The following PDIA5 variants were observed in gnomAD, a reference collection of about 807,000 sequenced individuals.
PDIA5 encodes protein disulfide isomerase family A member 5.
Under a neutral mutation model 77.6 loss-of-function variants are expected in PDIA5, and 58 were observed. The ratio of observed to expected loss-of-function variants is 0.75; its 90% CI spans 0.61 to 0.93. The LOEUF is 0.93. Ranked by LOEUF, PDIA5 falls within the 40% of genes least tolerant of loss-of-function variation. PDIA5 has a pLI of 0.00. For missense variants in PDIA5, 630 were observed against 647.7 expected (o/e 0.97, Z 0.30); for synonymous variants, 250 against 252.1 (o/e 0.99, Z 0.08).
intron 1 of PDIA5, among the ~76,000 whole-genome samples, chr3:123,069,651 C>G (rs1056931610): frequency 1.3e-5 from 2 of 152,192 alleles, no homozygotes; most frequent in African/African-American, 4.8e-5. Context: ...AGACAGTTCT[C>G]TTGGGTCCCT....
intron 6 of PDIA5, among the ~76,000 whole-genome samples, chr3:123,109,256 T>C (rs916099436): frequency 1.3e-5 from 2 of 152,264 alleles, no homozygotes; most frequent in African/African-American, 4.8e-5. Context: ...TTTGAATTGC[T>C]GATTCAATTT....
intron 1 of PDIA5, among the ~76,000 whole-genome samples, chr3:123,084,552 C>T (rs1934086567): frequency 6.6e-6 from 1 of 152,084 alleles, no homozygotes; most frequent in Non-Finnish European, 1.5e-5. Flanking sequence ...CTTGGTGGCT[C>T]ACCTTGCAAC....
chr3:123,092,020 C>T (rs967726757), intron 2 of PDIA5, among the ~76,000 whole-genome samples: 1 of 152,156 alleles, frequency 6.6e-6, no homozygotes, highest in Non-Finnish European at 1.5e-5. Flanking sequence ...AGACATGAGT[C>T]GGAGACTTTA....
At chr3:123,117,849 C>T (rs1245980147) in intron 8 of PDIA5, among the ~76,000 whole-genome samples, 1 of 152,122 alleles carries the variant, frequency 6.6e-6, no homozygotes, top group African/African-American at 2.4e-5. Context: ...CATTTTTGCA[C>T]TTACCCCGAG....
chr3:123,148,540 G>A (rs1164000081), intron 13 of PDIA5, among the ~76,000 whole-genome samples: 1 of 150,710 alleles, frequency 6.6e-6, no homozygotes, highest in Non-Finnish European at 1.5e-5. Context: ...TTGTACTCCA[G>A]CCTCAGCAAC....
intron 7 of PDIA5, among the ~76,000 whole-genome samples, chr3:123,112,210 C>T (rs546304339): frequency 3.3e-5 from 5 of 152,306 alleles, no homozygotes; most frequent in South Asian, 2.1e-4. Flanking sequence ...CGGCCCTTCA[C>T]GAAGCCAGCA....
Position 123,161,939 on chromosome 3 carries a change from GA to G in PDIA5, c.1544del (p.Lys515ArgfsTer18). On this transcript the variant is annotated frameshift_variant, in exon 17 of 17. Coordinates refer to ENST00000316218, the MANE Select transcript of PDIA5 (RefSeq NM_006810.4). LOFTEE classifies it high-confidence loss of function. ...GGGAGGGAGACCATGAAAGACTAGG[GA>G]AAAAGAAGGAAGAGTTATAATTCCT... ...LREGDHERLG[K>X]KKEEL The G allele has an allele frequency of 1.9e-6, 3 of 1,596,820 alleles. No homozygotes were observed. Among genetic ancestry groups the G allele is most frequent in the Non-Finnish European group, 2.6e-6 (3 of 1,165,060 alleles).
At chr3:123,142,586 G>A (rs773276477) in intron 11 of PDIA5, among the ~76,000 whole-genome samples, 2 of 152,190 alleles carry the variant, frequency 1.3e-5, no homozygotes, top group Non-Finnish European at 2.9e-5. Flanking sequence ...GCATTTTTCT[G>A]GAAGAAGGGT....
chr3:123,093,258 G>GGTGT lies in PDIA5; in HGVS notation c.257+836_257+839dup, dbSNP rs3080445. On this transcript the variant is annotated intron_variant, in intron 3 of 16. Transcript: ENST00000316218. ...TAGCCAAGTGGTGTGTGCTGTAGAG[G>GGTGT]GTGTGTGTGTGTGTGTGTGTGTGGC... is the stretch of plus-strand genomic sequence containing the variant. Among the ~76,000 whole-genome samples, 812 of 148,558 alleles carry GGTGT rather than the reference G, an allele frequency of 5.5e-3. 2 individuals are homozygous for GGTGT. Among genetic ancestry groups the GGTGT allele is most frequent in the Non-Finnish European group, 8.3e-3 (555 of 66,850 alleles).
chr3:123,162,065 G>A lies in PDIA5; in HGVS notation c.*105G>A, dbSNP rs1001037654. 2 of 724,872 alleles carry A rather than the reference G, an allele frequency of 2.8e-6. No homozygotes were observed. The highest frequency in any genetic ancestry group is 4.9e-6 in the Non-Finnish European group (2 of 405,402). The allele number at this position is 724,872 out of a possible 1,614,324, so 44.9% of individuals were successfully genotyped here. Reference sequence around the variant, plus strand: ...AGACAAATTTTTTATAGCCGCTTATGGCCATTTTGTACAATTTTGAAATAA... The same window carrying A: ...AGACAAATTTTTTATAGCCGCTTATAGCCATTTTGTACAATTTTGAAATAA... On this transcript the variant is annotated 3_prime_UTR_variant, in exon 17 of 17. Coordinates refer to ENST00000316218, the MANE Select transcript of PDIA5 (RefSeq NM_006810.4).
chr3:123,129,675 G>A (rs1935328166), intron 10 of PDIA5, among the ~76,000 whole-genome samples: 1 of 152,148 alleles, frequency 6.6e-6, no homozygotes, highest in Admixed American at 6.5e-5. Context: ...CTGAACTTTG[G>A]GGCAAGGGAG....
At chr3:123,102,387 G>A (rs756143480) in intron 3 of PDIA5, 24 bp from the exon 4 acceptor site, 5 of 1,589,722 alleles carry the variant, frequency 3.1e-6, no homozygotes, top group African/African-American at 2.7e-5. Flanking sequence ...GTAATAAATG[G>A]TTCCCAACAT....
intron 8 of PDIA5, among the ~76,000 whole-genome samples, chr3:123,121,806 T>G (rs950242049): frequency 6.6e-6 from 1 of 152,260 alleles, no homozygotes; most frequent in African/African-American, 2.4e-5. Context: ...TATCTTGTAT[T>G]ATTTCATTGA....
intron 11 of PDIA5, among the ~76,000 whole-genome samples, chr3:123,131,715 G>A (rs1166114971): frequency 6.6e-6 from 1 of 151,516 alleles, no homozygotes; most frequent in Non-Finnish European, 1.5e-5. Flanking sequence ...GATAAGGGCT[G>A]GAAGGCCTGT....
At chr3:123,091,228 G>T (rs1010030403) in intron 2 of PDIA5, among the ~76,000 whole-genome samples, 4 of 152,084 alleles carry the variant, frequency 2.6e-5, no homozygotes, top group African/African-American at 7.2e-5. Flanking sequence ...ACTTTTGTTT[G>T]CTTCTGTGAA....
In PDIA5 at chr3:123,161,735, C is replaced by A. The variant is rs76082256; in HGVS notation, c.1480-145C>A. ...TCGGGGCTGGTGCAAGCCACGCAGACCCTCTCCACCTTGCAGAAGTCTGCC... is the reference window on the plus strand; with the variant it reads ...TCGGGGCTGGTGCAAGCCACGCAGAACCTCTCCACCTTGCAGAAGTCTGCC... On this transcript the variant is annotated intron_variant, in intron 16 of 16. Coordinates refer to ENST00000316218, the MANE Select transcript of PDIA5 (RefSeq NM_006810.4). The A allele has an allele frequency of 3.0e-3, 2,091 of 702,396 alleles. 34 individuals are homozygous for A. In the African/African-American group the frequency reaches 0.033, roughly 11 times the overall value. 43.5% of individuals were successfully genotyped at this position (702,396 alleles called of 1,614,324 possible).
intron 10 of PDIA5, among the ~76,000 whole-genome samples, chr3:123,128,682 T>A (rs1307130521): frequency 2.0e-5 from 3 of 152,066 alleles, no homozygotes; most frequent in Non-Finnish European, 4.4e-5. Flanking sequence ...TAATTTTTTT[T>A]ATTTCATATT....
In PDIA5 at chr3:123,116,309, C is replaced by T. The variant is rs561126535; in HGVS notation, c.609+11C>T. 83 of 1,609,812 alleles carry T rather than the reference C, an allele frequency of 5.2e-5. 2 individuals carry two copies. In the East Asian group the frequency reaches 1.4e-3, roughly 27 times the overall value. Reference sequence around the variant, plus strand: ...CTGCGAGGCCACGCCGTAAGTGAGGCGCCATTGCCTGGCAGGGCTGGGTCA... The same window carrying T: ...CTGCGAGGCCACGCCGTAAGTGAGGTGCCATTGCCTGGCAGGGCTGGGTCA... On this transcript the variant is annotated intron_variant, in intron 8 of 16. Coordinates refer to ENST00000316218, the MANE Select transcript of PDIA5 (RefSeq NM_006810.4).
chr3:123,067,929 C>G (rs1377613398), intron 1 of PDIA5, among the ~76,000 whole-genome samples: 1 of 152,192 alleles, frequency 6.6e-6, no homozygotes, highest in African/African-American at 2.4e-5. Flanking sequence ...GTGGAGGAAG[C>G]TGTGTAAACT....
Sources: allele counts gnomAD v4.1 joint callset (sites outside exome capture counted in the v4.1 genomes callset), GRCh38; gene constraint gnomAD v4.1.1; transcripts MANE v1.5; gene names NCBI Gene and HGNC (gene_info 2026-07-23, HGNC 2026-07-21).